ARL6IP6: variants seen among roughly 807,000 people sequenced by gnomAD.
The protein encoded by ARL6IP6 is ARF like GTPase 6 interacting protein 6, also known as ADP-ribosylation factor-like protein 6-interacting protein 6.
A neutral mutation model predicts 21.5 loss-of-function variants in ARL6IP6; 22 were observed. That is an observed-to-expected ratio of 1.02 (90% confidence interval 0.73 to 1.46). The LOEUF is 1.46. Ranked by LOEUF, ARL6IP6 falls within the 40% of genes most tolerant of loss-of-function variation. The pLI is 0.00. For synonymous variants in ARL6IP6, 164 were observed against 125.3 expected, an observed-to-expected ratio of 1.31 and a Z score of -2.06; for missense variants, 388 against 299.8, an observed-to-expected ratio of 1.29 and a Z score of -2.17.
At chr2:152,740,223 C>T (rs1371636226) in intron 3 of ARL6IP6, among the ~76,000 whole-genome samples, 2 of 152,132 alleles carry the variant, frequency 1.3e-5, no homozygotes, top group African/African-American at 4.8e-5. Flanking sequence ...CTGCCTCCAC[C>T]CTCTAATAAG....
intron 3 of ARL6IP6, among the ~76,000 whole-genome samples, chr2:152,753,194 G>A (rs1299509447): frequency 6.6e-6 from 1 of 152,110 alleles, no homozygotes; most frequent in Non-Finnish European, 1.5e-5. Context: ...TTTACTCCAT[G>A]TAGATATGAC....
intron 3 of ARL6IP6, among the ~76,000 whole-genome samples, chr2:152,749,681 T>A (rs1385716937): frequency 6.6e-6 from 1 of 152,196 alleles, no homozygotes; most frequent in Non-Finnish European, 1.5e-5. Flanking sequence ...GTTGCCATCT[T>A]CATACCCCTT....
At chr2:152,736,303 AG>A (rs1700549894) in intron 3 of ARL6IP6, among the ~76,000 whole-genome samples, 1 of 152,182 alleles carries the variant, frequency 6.6e-6, no homozygotes, top group Non-Finnish European at 1.5e-5. Context: ...TCACCAAAAA[AG>A]TAATCGTATT....
Position 152,760,013 on chromosome 2 carries a change from A to AC in ARL6IP6, c.*173_*174insC. On this transcript the variant is annotated 3_prime_UTR_variant, in exon 4 of 4. Transcript: ENST00000326446. The stretch of plus-strand genomic sequence containing the variant: ...AGACCTTTTAAAGCATTGTTTTAGA[A>AC]TGTCTGAGTATTAAGATACAGATTA... 1.8e-6 allele frequency: 1 copy of AC among 549,970 alleles called. No individual in the cohort carries two copies. The highest frequency in any genetic ancestry group is 3.2e-6 in the Non-Finnish European group (1 of 309,434). 34.1% of individuals were successfully genotyped at this position (549,970 alleles called of 1,614,324 possible).
At chr2:152,719,859 A>G (rs767529184) in intron 1 of ARL6IP6, 1 of 465,260 alleles carries the variant, frequency 2.1e-6, no homozygotes, top group South Asian at 1.6e-5. Context: ...AATTAAATCT[A>G]TTTAACTCCA....
At chr2:152,733,269 TG>T (rs1700409465) in intron 2 of ARL6IP6, among the ~76,000 whole-genome samples, 1 of 152,134 alleles carries the variant, frequency 6.6e-6, no homozygotes, top group South Asian at 2.1e-4. Context: ...GTTGTTTGTT[TG>T]TTTGTTTGTT....
chr2:152,740,804 A>G (rs1373331196), intron 3 of ARL6IP6, among the ~76,000 whole-genome samples: 3 of 152,066 alleles, frequency 2.0e-5, no homozygotes. Context: ...AATATAAATG[A>G]TATATATACC....
At chr2:152,718,532 G>A, upstream of ARL6IP6, 1 of 1,475,882 alleles carries the variant, frequency 6.8e-7, no homozygotes, top group Non-Finnish European at 9.0e-7. Flanking sequence ...AGGCCTGGTG[G>A]TAGCGGCCAC....
At chr2:152,725,876 T>G (rs1227257819) in intron 2 of ARL6IP6, among the ~76,000 whole-genome samples, 1 of 152,216 alleles carries the variant, frequency 6.6e-6, no homozygotes, top group Non-Finnish European at 1.5e-5. Flanking sequence ...TTTAACAAAG[T>G]TTTTTTCCTG....
At chr2:152,750,180 C>A (rs1701258240) in intron 3 of ARL6IP6, among the ~76,000 whole-genome samples, 1 of 152,078 alleles carries the variant, frequency 6.6e-6, no homozygotes, top group South Asian at 2.1e-4. Flanking sequence ...GGGATACTTA[C>A]AGAAATGTAG....
Position 152,718,628 on chromosome 2 carries a change from T to A in ARL6IP6, c.4T>A (p.Ser2Thr). Residue 2 changes from serine to threonine, a missense_variant, in exon 1 of 4, where the codon TCG (serine) becomes ACG (threonine). Ser to Thr is a moderately conservative substitution (Grantham distance 58). Transcript: ENST00000326446. ...GGGTTTCGTTGTGTTTCGCGCCATG[T>A]CGTTTGCTGAGAGCGGGTGGCGGTC... M[S>T]FAESGWRSAL... 1 of 1,522,286 alleles carries A rather than the reference T, an allele frequency of 6.6e-7. No homozygotes were observed. The highest frequency in any genetic ancestry group is 8.8e-7 in the Non-Finnish European group (1 of 1,134,252). The allele number at this position is 1,522,286 out of a possible 1,614,324, so 94.3% of individuals were successfully genotyped here. A position where few individuals can be genotyped will look rare whatever the true frequency, so the allele number is the denominator to read the frequency against.
At chr2:152,751,508 C>G (rs1179324992) in intron 3 of ARL6IP6, among the ~76,000 whole-genome samples, 2 of 152,160 alleles carry the variant, frequency 1.3e-5, no homozygotes, top group African/African-American at 4.8e-5. Flanking sequence ...TCACCCCACC[C>G]ACTGCTGTTT....
At position 152,761,898 on chromosome 2, in the gene ARL6IP6, A is replaced by G. The variant is rs1421890646; in HGVS notation, c.*2058A>G. 3.9e-5 allele frequency among the ~76,000 whole-genome samples: 6 copies of G among 152,192 alleles called. No homozygotes were observed. The highest frequency in any genetic ancestry group is 1.4e-4 in the African/African-American group (6 of 41,456). On this transcript the variant is annotated 3_prime_UTR_variant, in exon 4 of 4. Transcript: ENST00000326446. ...CCTTGTCATTAAGCCAAACATGACTATATATACCTACAAGATATATATTAA... is the reference window on the plus strand; with the variant it reads ...CCTTGTCATTAAGCCAAACATGACTGTATATACCTACAAGATATATATTAA...
rs566242571 is a variant in ARL6IP6 at position 152,736,192 on chromosome 2, CATTA to C, written c.587+1067_587+1070del. Reference sequence around the variant, plus strand: ...TAAATTGACTAAGAGTTAAGCCTAACATTACAATGCCATCCCGTAGTTTACATGG... The same window carrying C: ...TAAATTGACTAAGAGTTAAGCCTAACCAATGCCATCCCGTAGTTTACATGG... On this transcript the variant is annotated intron_variant, in intron 3 of 3. Coordinates refer to ENST00000326446, the MANE Select transcript of ARL6IP6 (RefSeq NM_152522.7). 7.2e-3 allele frequency among the ~76,000 whole-genome samples: 1,096 copies of C among 152,240 alleles called. 7 individuals are homozygous for C. The highest frequency in any genetic ancestry group is 0.012 in the Non-Finnish European group (819 of 68,014).
upstream of ARL6IP6, chr2:152,718,111 G>A (rs187663510): frequency 1.2e-4 from 121 of 981,542 alleles, 1 homozygote; most frequent in African/African-American, 2.0e-3. Context: ...GGAACCGCGA[G>A]AGCGCCAGGT....
At chr2:152,748,709 G>A (rs1701173368) in intron 3 of ARL6IP6, among the ~76,000 whole-genome samples, 1 of 152,210 alleles carries the variant, frequency 6.6e-6, no homozygotes, top group Non-Finnish European at 1.5e-5. Flanking sequence ...GTATCAGCTG[G>A]AAATGAAGTT....
intron 2 of ARL6IP6, 68 bp downstream of exon 2, chr2:152,720,654 T>C: frequency 3.7e-6 from 5 of 1,367,958 alleles, no homozygotes; most frequent in Non-Finnish European, 5.2e-6. Context: ...ATGTTTGAAC[T>C]AACTCTGGGA....
chr2:152,749,881 A>G (rs1352267100), intron 3 of ARL6IP6, among the ~76,000 whole-genome samples: 1 of 152,238 alleles, frequency 6.6e-6, no homozygotes, highest in Non-Finnish European at 1.5e-5. Flanking sequence ...AGATCTAAAG[A>G]AACGTTCTGG....
At chr2:152,758,510 C>G (rs560847312) in intron 3 of ARL6IP6, among the ~76,000 whole-genome samples, 6 of 152,056 alleles carry the variant, frequency 3.9e-5, no homozygotes, top group Non-Finnish European at 7.4e-5. Flanking sequence ...AGGGACAAAG[C>G]ATTATACCTA....
Sources: allele counts gnomAD v4.1 joint callset (sites outside exome capture counted in the v4.1 genomes callset), GRCh38; gene constraint gnomAD v4.1.1; transcripts MANE v1.5; gene names NCBI Gene and HGNC (gene_info 2026-07-23, HGNC 2026-07-21).